Variants in CNOT1 observed in about 807,000 individuals in gnomAD.
CNOT1 encodes CCR4-associated factor 1.
Under a neutral mutation model 273.8 loss-of-function variants are expected in CNOT1, and 15 were observed. The observed-to-expected ratio is 0.05, with a 90% confidence interval of 0.04 to 0.08. The LOEUF is 0.08. Ranked by LOEUF, CNOT1 falls within the 10% of genes least tolerant of loss-of-function variation. The pLI, the probability that CNOT1 is intolerant of heterozygous loss-of-function variation, is 1.00. For missense variants in CNOT1, 1,644 were observed against 2,912.2 expected, an observed-to-expected ratio of 0.56 and a Z score of 10.02; for synonymous variants, 1,022 against 1,005.5, an observed-to-expected ratio of 1.02 and a Z score of -0.31.
intron 1 of CNOT1, among the ~76,000 whole-genome samples, chr16:58,610,184 G>A (rs189618903): frequency 7.9e-5 from 12 of 152,330 alleles, no homozygotes; most frequent in African/African-American, 2.6e-4. Context: ...TCAGGAGGCC[G>A]AGGTGGGTGA....
At chr16:58,571,950 C>A (rs540404305) in intron 16 of CNOT1, among the ~76,000 whole-genome samples, 1 of 151,800 alleles carries the variant, frequency 6.6e-6, no homozygotes. Flanking sequence ...GCCTGGGGGA[C>A]AGAGGCAGAC....
chr16:58,536,908 C>T lies in CNOT1; in HGVS notation c.5646+81G>A, dbSNP rs76735595. 2.8e-3 allele frequency: 4,353 copies of T among 1,551,252 alleles called. 95 individuals are homozygous for T. The African/African-American group carries it at 0.053, about 19-fold the overall frequency. ...GGAGGTAACTGTCTGACCACATGTA[C>T]GCAATACTGAGCTTTAATATTGGAG... On this transcript the variant is annotated intron_variant, in intron 39 of 48. Transcript: ENST00000317147.
At chr16:58,562,184 C>CAAA (rs71385174) in intron 16 of CNOT1, among the ~76,000 whole-genome samples, 3 of 139,710 alleles carry the variant, frequency 2.1e-5, no homozygotes, top group Non-Finnish European at 3.1e-5. Flanking sequence ...GACTCCGTAT[C>CAAA]AAAAAAAAAA....
intron 30 of CNOT1, 134 bp downstream of exon 30, chr16:58,545,226 GA>G: frequency 1.8e-5 from 26 of 1,408,204 alleles, no homozygotes; most frequent in Non-Finnish European, 2.5e-5. Flanking sequence ...AGCAGTTCTA[GA>G]TCTCCATCCT....
intron 1 of CNOT1, among the ~76,000 whole-genome samples, chr16:58,605,356 G>C (rs2042637988): frequency 1.3e-5 from 2 of 151,248 alleles, no homozygotes; most frequent in South Asian, 4.2e-4. Context: ...TACAAAAATT[G>C]GCCGGGTGTG....
Position 58,542,428 on chromosome 16 carries a change from A to G in CNOT1, c.4575T>C (p.Thr1525=). ...AGPEMDKRLA[T]EFELRKHARQ... Reference sequence around the variant, plus strand: ...TAAAAGGCAAATTCTAAACACTTACAGTTGCTAATCTCTTGTCCATCTCAG... The same window carrying G: ...TAAAAGGCAAATTCTAAACACTTACGGTTGCTAATCTCTTGTCCATCTCAG... Residue 1525 remains threonine, a splice_region_variant and synonymous_variant, in exon 32 of 49, where the codon ACT becomes ACC. Transcript: ENST00000317147. 1 of 1,614,076 alleles carries G rather than the reference A, an allele frequency of 6.2e-7. No homozygotes were observed.
At chr16:58,612,711 C>G (rs2042943242) in intron 1 of CNOT1, among the ~76,000 whole-genome samples, 1 of 152,132 alleles carries the variant, frequency 6.6e-6, no homozygotes. Context: ...TGCACTCCAG[C>G]CTGGGCGACA....
intron 17 of CNOT1, 121 bp downstream of exon 17, chr16:58,560,091 G>C (rs1187975298): frequency 1.3e-6 from 2 of 1,524,992 alleles, no homozygotes; most frequent in Non-Finnish European, 1.8e-6. Context: ...AAAATAAGTG[G>C]ATGCTAGACA....
rs2040788839 is a variant in CNOT1, at chr16:58,560,332, G to A, written c.2010C>T (p.Ile670=). Residue 670 remains isoleucine, a synonymous_variant, in exon 17 of 49, where the codon ATC becomes ATT. Transcript: ENST00000317147. The part of the protein sequence containing the change: ...GSVSQELSET[I]LTMVANCSNV... Reference sequence around the variant, plus strand: ...TACTGCAATTGGCTACCATGGTGAGGATAGTTTCTGATAGCTCCTGAGAAA... The same window carrying A: ...TACTGCAATTGGCTACCATGGTGAGAATAGTTTCTGATAGCTCCTGAGAAA... 1.2e-6 allele frequency: 2 copies of A among 1,613,964 alleles called. No homozygotes were observed. Among genetic ancestry groups the A allele is most frequent in the Non-Finnish European group, 1.7e-6 (2 of 1,180,006 alleles).
At chr16:58,583,700 G>A (rs1230705585) in intron 8 of CNOT1, among the ~76,000 whole-genome samples, 4 of 151,910 alleles carry the variant, frequency 2.6e-5, no homozygotes, top group Non-Finnish European at 5.9e-5. Context: ...CACCACGCAT[G>A]GCTAATTTTT....
At chr16:58,565,760 A>G (rs2041017858) in intron 16 of CNOT1, among the ~76,000 whole-genome samples, 1 of 152,148 alleles carries the variant, frequency 6.6e-6, no homozygotes, top group African/African-American at 2.4e-5. Flanking sequence ...CCTGGCCAAC[A>G]TGGCAAAACC....
chr16:58,603,238 A>G (rs1168595988), intron 1 of CNOT1, among the ~76,000 whole-genome samples: 1 of 152,180 alleles, frequency 6.6e-6, no homozygotes, highest in Non-Finnish European at 1.5e-5. Flanking sequence ...TCAATCATAA[A>G]AAACTCAAAA....
At chr16:58,612,857 G>A (rs1597600050) in intron 1 of CNOT1, among the ~76,000 whole-genome samples, 1 of 152,142 alleles carries the variant, frequency 6.6e-6, no homozygotes, top group East Asian at 1.9e-4. Flanking sequence ...TAACTATTGT[G>A]TACATAATAG....
chr16:58,530,409 TCGCC>T, intron 42 of CNOT1, 62 bp from the exon 43 acceptor site: 1 of 1,244,132 alleles, frequency 8.0e-7, no homozygotes, highest in Non-Finnish European at 1.2e-6. Context: ...CCACTACAAG[TCGCC>T]CAAGCAGCTA....
chr16:58,574,972 T>C, intron 15 of CNOT1, 35 bp downstream of exon 15: 1 of 1,605,922 alleles, frequency 6.2e-7, no homozygotes, highest in Non-Finnish European at 8.5e-7. Flanking sequence ...CCACCAAAAT[T>C]TAAGAGCAAA....
At chr16:58,626,102 T>G (rs1046979931) in intron 1 of CNOT1, among the ~76,000 whole-genome samples, 1 of 152,126 alleles carries the variant, frequency 6.6e-6, no homozygotes, top group Non-Finnish European at 1.5e-5. Flanking sequence ...GTCTTTTCTT[T>G]TATAAAAGTA....
At chr16:58,576,175 A>G (rs968951025) in intron 14 of CNOT1, among the ~76,000 whole-genome samples, 1 of 151,736 alleles carries the variant, frequency 6.6e-6, no homozygotes, top group African/African-American at 2.4e-5. Flanking sequence ...CAGTGGCACA[A>G]TCTTGGCTCA....
chr16:58,585,280 GA>G lies in CNOT1; in HGVS notation c.806+57del, dbSNP rs1199120778. ...AGGAATTTTAGAGACTTTTTTTAAA[GA>G]ATTACATCATGTTTGGCACAAGAAT... On this transcript the variant is annotated intron_variant, in intron 8 of 48. Transcript: ENST00000317147. The G allele has an allele frequency of 6.9e-6, 11 of 1,594,038 alleles. No individual in the cohort carries two copies. The African/African-American group carries it at 1.5e-4, about 22-fold the overall frequency.
intron 1 of CNOT1, among the ~76,000 whole-genome samples, chr16:58,619,506 C>T (rs2043226588): frequency 6.6e-6 from 1 of 151,934 alleles, no homozygotes; most frequent in Admixed American, 6.6e-5. Flanking sequence ...CAGCTCACTG[C>T]AACCTCCGCC....
Sources: gnomAD v4.1 joint callset for allele counts (sites outside exome capture counted in the v4.1 genomes callset) on GRCh38, gnomAD v4.1.1 for gene constraint, MANE v1.5 for transcripts, NCBI Gene and HGNC (gene_info 2026-07-23, HGNC 2026-07-21) for gene names.